The following ZNG1E variants were observed in gnomAD, a reference collection of about 807,000 sequenced individuals.
ZNG1E encodes the protein zinc-regulated GTPase metalloprotein activator 1E.
chr9:65,664,888 AG>A, the ZNG1E span, among the ~76,000 whole-genome samples: 1 of 152,156 alleles, frequency 6.6e-6, no homozygotes, highest in African/African-American at 2.4e-5. Flanking sequence ...GTTTTAGTAA[AG>A]ATACTAGGGG....
chr9:65,713,844 T>G, the ZNG1E span, among the ~76,000 whole-genome samples: 1 of 150,728 alleles, frequency 6.6e-6, no homozygotes, highest in Non-Finnish European at 1.5e-5. Context: ...TTGGAGTTGC[T>G]CTTCTCGAGG....
the ZNG1E span, among the ~76,000 whole-genome samples, chr9:65,669,646 G>T: frequency 6.7e-6 from 1 of 149,756 alleles, no homozygotes. Context: ...AAATTTCATG[G>T]CAAGCTGACT....
chr9:65,693,093 G>A, the ZNG1E span, among the ~76,000 whole-genome samples: 1 of 152,290 alleles, frequency 6.6e-6, no homozygotes, highest in Non-Finnish European at 1.5e-5. Flanking sequence ...TAACAAACCT[G>A]CACATCGTGA....
chr9:65,657,441 C>A, the ZNG1E span, among the ~76,000 whole-genome samples: 1 of 152,254 alleles, frequency 6.6e-6, no homozygotes, highest in Admixed American at 6.5e-5. Context: ...AACTGGAGGA[C>A]CTTATGTTAA....
At chr9:65,667,980 G>A in the ZNG1E span, among the ~76,000 whole-genome samples, 2 of 141,072 alleles carry the variant, frequency 1.4e-5, no homozygotes, top group Admixed American at 7.1e-5. Context: ...TGGACACCAT[G>A]AGCAAAACTT....
chr9:65,663,208 C>T, the ZNG1E span, among the ~76,000 whole-genome samples: 414 of 152,190 alleles, frequency 2.7e-3, 1 homozygote, highest in African/African-American at 9.5e-3. Flanking sequence ...GTTAACTTTG[C>T]AGTTTTTATT....
At chr9:65,681,024 G>A in the ZNG1E span, among the ~76,000 whole-genome samples, 43 of 152,218 alleles carry the variant, frequency 2.8e-4, no homozygotes, top group Middle Eastern at 3.4e-3. Flanking sequence ...TCCTGACCTC[G>A]TGATCCGCCC....
chr9:65,714,311 G>A, the ZNG1E span, among the ~76,000 whole-genome samples: 86 of 151,318 alleles, frequency 5.7e-4, no homozygotes, highest in Non-Finnish European at 1.1e-3. Flanking sequence ...ATGTCCTCCC[G>A]TAGCTTGGAG....
At chr9:65,662,010 G>A in the ZNG1E span, among the ~76,000 whole-genome samples, 1 of 152,260 alleles carries the variant, frequency 6.6e-6, no homozygotes, top group Admixed American at 6.5e-5. Flanking sequence ...CTCCCCATCA[G>A]GTACTTATTA....
chr9:65,677,633 A>T, the ZNG1E span, among the ~76,000 whole-genome samples: 9 of 152,366 alleles, frequency 5.9e-5, no homozygotes, highest in African/African-American at 2.2e-4. Flanking sequence ...GTTGCATGTT[A>T]GCCTTAATGA....
the ZNG1E span, among the ~76,000 whole-genome samples, chr9:65,666,884 G>A: frequency 8.5e-5 from 13 of 152,344 alleles, no homozygotes; most frequent in East Asian, 5.8e-4. Context: ...GCAATGGCAC[G>A]ATCTTGGCTC....
the ZNG1E span, chr9:65,719,352 C>G: frequency 8.8e-4 from 119 of 135,082 alleles, 25 homozygotes; most frequent in African/African-American, 3.7e-3. Flanking sequence ...TCACTGTTTT[C>G]AAGGCAAAGC....
the ZNG1E span, among the ~76,000 whole-genome samples, chr9:65,676,639 CTT>C: frequency 6.6e-6 from 1 of 151,500 alleles, no homozygotes; most frequent in East Asian, 1.9e-4. Context: ...ATCTTAAACA[CTT>C]TTTTTTTGAG....
At chr9:65,674,982 C>T in the ZNG1E span, among the ~76,000 whole-genome samples, 431 of 145,624 alleles carry the variant, frequency 3.0e-3, no homozygotes, top group African/African-American at 0.011. Context: ...TATAGCAAGC[C>T]TCAGGAGTTT....
the ZNG1E span, among the ~76,000 whole-genome samples, chr9:65,665,409 C>A: frequency 1.2e-4 from 18 of 152,272 alleles, no homozygotes; most frequent in Admixed American, 7.8e-4. Flanking sequence ...GCAGCTTCCA[C>A]ATGGCTTTGA....
chr9:65,704,731 T>C, the ZNG1E span: 1 of 104,202 alleles, frequency 9.6e-6, no homozygotes. Context: ...GCTAACACTG[T>C]GAAACCCATC....
the ZNG1E span, among the ~76,000 whole-genome samples, chr9:65,664,336 G>A: frequency 5.4e-5 from 8 of 148,848 alleles, no homozygotes; most frequent in Non-Finnish European, 7.4e-5. Flanking sequence ...GACCCGGTGG[G>A]AGGTAATTGA....
chr9:65,688,173 TAA>T, the ZNG1E span, among the ~76,000 whole-genome samples: 6 of 149,828 alleles, frequency 4.0e-5, no homozygotes, highest in East Asian at 7.7e-4. Context: ...ATTAATTGGT[TAA>T]GTCATTAATT....
At chr9:65,671,501 G>A in the ZNG1E span, among the ~76,000 whole-genome samples, 1 of 151,960 alleles carries the variant, frequency 6.6e-6, no homozygotes, top group Non-Finnish European at 1.5e-5. Context: ...TGTATTTTTA[G>A]TATAGATGGG....
Sources: allele counts gnomAD v4.1 joint callset (sites outside exome capture counted in the v4.1 genomes callset), GRCh38; gene constraint gnomAD v4.1.1; transcripts MANE v1.5; gene names NCBI Gene and HGNC (gene_info 2026-07-23, HGNC 2026-07-21).